CAMSAP3: variants seen among roughly 807,000 people sequenced by gnomAD.
CAMSAP3 encodes the protein calmodulin-regulated spectrin-associated protein 3.
In CAMSAP3, 34 loss-of-function variants were observed where a neutral mutation model predicts 112.5. The ratio of observed to expected loss-of-function variants is 0.30; its 90% confidence interval spans 0.23 to 0.40. The LOEUF (loss-of-function observed/expected upper bound fraction) is 0.40, where lower values mean the gene tolerates loss of function less well. Among genes scored for constraint, CAMSAP3 ranks in the 10% least tolerant of loss-of-function variants. The probability of loss-of-function intolerance (pLI) is 1.00; values close to 1 mark genes in which losing one functional copy is unlikely to be tolerated. For missense variants in CAMSAP3, 1,602 were observed against 1,770.3 expected, an observed-to-expected ratio of 0.90 and a Z score of 1.71; for synonymous variants, 868 against 799.8, an observed-to-expected ratio of 1.09 and a Z score of -1.44.
At position 7,611,475 on chromosome 19, in the gene CAMSAP3, G is replaced by A. The variant is rs770370376; in HGVS notation, c.1124-42G>A. On this transcript the variant is annotated intron_variant, in intron 9 of 16. Coordinates refer to ENST00000160298, the MANE Select transcript of CAMSAP3 (RefSeq NM_020902.2). This position sits in a 1 kb window ranked among gnomAD's most constrained non-coding sequence, Gnocchi z 6.9. ...CAGATGCTGGCTGACCCCACTCAGG[G>A]TTCCCAGGGTCCCCATAGTGACCAC... 1.6e-5 allele frequency: 25 copies of A among 1,553,464 alleles called. No individual in the cohort carries two copies. In the Admixed American group the frequency reaches 4.6e-4, roughly 28 times the overall value.
intron 1 of CAMSAP3, among the ~76,000 whole-genome samples, chr19:7,603,168 G>C (rs2030045513): frequency 6.6e-6 from 1 of 151,806 alleles, no homozygotes; most frequent in Non-Finnish European, 1.5e-5. Context: ...ATGTTCTGAA[G>C]CACTAGAACC....
intron 1 of CAMSAP3, among the ~76,000 whole-genome samples, chr19:7,597,400 C>T (rs2024463141): frequency 6.6e-6 from 1 of 152,198 alleles, no homozygotes; most frequent in African/African-American, 2.4e-5. Context: ...CCAAGGTTAC[C>T]AGGCTGTAGA....
At chr19:7,613,193 C>A in intron 11 of CAMSAP3, 30 bp downstream of exon 11, 1 of 754,132 alleles carries the variant, frequency 1.3e-6, no homozygotes, top group South Asian at 2.3e-5. Context: ...GCTGGAGGGT[C>A]CTGGGCCTGG....
Position 7,612,614 on chromosome 19 carries a change from T to C in CAMSAP3, c.2121T>C (p.Ser707=). ...ACAATCGAGCGGTCAGCAAGCTGAG[T>C]GCCGCCTTGAGCTCGCTGCAGCGGG... The part of the protein sequence containing the change: ...GEYNRAVSKL[S]AALSSLQRDM... The change falls in exon 11 of 17, where the codon AGT becomes AGC. Residue 707 remains serine (S), a synonymous_variant. Transcript: ENST00000160298. 6.5e-7 allele frequency: 1 copy of C among 1,529,058 alleles called. No individual in the cohort carries two copies. The allele number at this position is 1,529,058 out of a possible 1,614,324, so 94.7% of individuals were successfully genotyped here.
Position 7,612,104 on chromosome 19 carries a change from A to G in CAMSAP3, c.1611A>G (p.Ala537=). 1 of 1,610,218 alleles carries G rather than the reference A, an allele frequency of 6.2e-7. No homozygotes were observed. Among genetic ancestry groups the G allele is most frequent in the Admixed American group, 1.7e-5 (1 of 59,942 alleles). Residue 537 remains alanine, a synonymous_variant, in exon 11 of 17, where the codon GCA becomes GCG. Transcript: ENST00000160298. ...SKPSPCLVGE[A]SKPPAPSEGS... ...CATCTCCCTGTCTGGTGGGGGAGGC[A>G]TCGAAACCGCCAGCCCCATCCGAGG... is the stretch of plus-strand genomic sequence containing the variant.
Position 7,605,435 on chromosome 19 carries a change from C to T in CAMSAP3, c.358C>T (p.Arg120Cys). The change falls in exon 2 of 17, where the codon CGC becomes TGC. Residue 120 changes from arginine to cysteine, a missense_variant. By Grantham distance (180) the Arg-to-Cys change is radical. This residue lies in a region of CAMSAP3 where 35 missense variants were observed against 79.8 expected (regional missense o/e 0.44). Coordinates refer to ENST00000160298, the MANE Select transcript of CAMSAP3 (RefSeq NM_020902.2). ...RRGTVPALPE[R>C]PVREADLRHQ... ...GGGCACAGTGCCTGCTTTGCCCGAG[C>T]GCCCGGTGCGCGAGGCCGACCTGAG... 3 of 1,456,562 alleles carry T rather than the reference C, an allele frequency of 2.1e-6. No homozygotes were observed. The highest frequency in any genetic ancestry group is 1.8e-4 in the Middle Eastern group (1 of 5,464). 90.2% of individuals were successfully genotyped at this position (1,456,562 alleles called of 1,614,324 possible).
At chr19:7,609,317 CA>C (rs3032314) in intron 5 of CAMSAP3, among the ~76,000 whole-genome samples, 8,675 of 98,080 alleles carry the variant, frequency 0.088, 642 homozygotes, top group East Asian at 0.4. Context: ...GACTCCATCT[CA>C]AAAAAAAAAA....
rs1414096648 is a variant in CAMSAP3, at chr19:7,606,551, G to T, written c.601G>T (p.Ala201Ser). 6.5e-7 allele frequency: 1 copy of T among 1,540,050 alleles called. No individual in the cohort carries two copies. Among genetic ancestry groups the T allele is most frequent in the Non-Finnish European group, 8.7e-7 (1 of 1,149,312 alleles). The change falls in exon 4 of 17, where the codon GCG becomes TCG. Residue 201 changes from alanine (A) to serine (S), a missense_variant. Around this residue, in one of 6 missense-constraint regions of CAMSAP3, gnomAD observed 112 missense variants for 94.2 expected, o/e 1.19. Transcript: ENST00000160298. ...RASPAAPADG[A>S]APAQPSIRYR... is the part of the protein sequence containing the mutation. ...CTCTCCAGCAGCCCCTGCAGACGGG[G>T]CGGCCCCGGCGCAGCCCTCGGTGAG...
chr19:7,609,854 G>A lies in CAMSAP3; in HGVS notation c.761-622G>A, dbSNP rs182417967. On this transcript the variant is annotated intron_variant, in intron 5 of 16. Transcript: ENST00000160298. ...GGTTCACAATAGGGTTCGCGCTCCT[G>A]TAAGAATCGAATGCCGCCGCTGATC... is the stretch of plus-strand genomic sequence containing the variant. Among the ~76,000 whole-genome samples, 79 of 152,204 alleles carry A rather than the reference G, an allele frequency of 5.2e-4. No individual in the cohort carries two copies. The East Asian group carries it at 8.1e-3, about 16-fold the overall frequency.
In CAMSAP3 at chr19:7,615,940, A is replaced by C. The variant is rs914082588; in HGVS notation, c.3112+221A>C. ...CGCGGTGGCTCACGCCTGTAATCCC[A>C]GCACTTTGGGAGGCTGAGGCGGGCG... On this transcript the variant is annotated intron_variant, in intron 13 of 16. Transcript: ENST00000160298. The surrounding 1 kb of genome is among the most constrained non-coding windows in gnomAD (Gnocchi z 6.5). Among the ~76,000 whole-genome samples, 1 of 152,124 alleles carries C rather than the reference A, an allele frequency of 6.6e-6. No homozygotes were observed. The highest frequency in any genetic ancestry group is 2.4e-5 in the African/African-American group (1 of 41,436).
In CAMSAP3 at chr19:7,605,342, C is replaced by T. The variant is rs1376510922; in HGVS notation, c.265C>T (p.Arg89Cys). 2 of 1,608,852 alleles carry T rather than the reference C, an allele frequency of 1.2e-6. No homozygotes were observed. Among genetic ancestry groups the T allele is most frequent in the Non-Finnish European group, 1.7e-6 (2 of 1,177,418 alleles). ...LSAELYCRAW[R>C]QALPQLETPP... The stretch of plus-strand genomic sequence containing the variant: ...AGCCGAGCTCTACTGCAGAGCCTGG[C>T]GCCAGGCACTGCCACAGCTTGAAAC... Residue 89 changes from arginine to cysteine, a missense_variant, in exon 2 of 17, where the codon CGC (arginine) becomes TGC (cysteine). Transcript: ENST00000160298.
rs1350670034 is a variant in CAMSAP3, at chr19:7,615,274, A to G, written c.2762A>G (p.Lys921Arg). The G allele has an allele frequency of 1.3e-6, 2 of 1,549,572 alleles. No individual in the cohort carries two copies. Among genetic ancestry groups the G allele is most frequent in the Non-Finnish European group, 8.7e-7 (1 of 1,146,564 alleles). ...QRRAEEARRR[K>R]QWQEVEKEQR... is the part of the protein sequence containing the mutation. ...CGAGCAGAGGAGGCGCGGCGGCGCA[A>G]GCAGTGGCAGGAGGTGGAGAAGGAA... Residue 921 changes from lysine to arginine, a missense_variant, in exon 12 of 17, where the codon AAG becomes AGG. Transcript: ENST00000160298. The surrounding 1 kb of genome is among the most constrained non-coding windows in gnomAD (Gnocchi z 6.5).
Position 7,612,243 on chromosome 19 carries a change from G to A in CAMSAP3, c.1750G>A (p.Gly584Arg). Residue 584 changes from glycine to arginine, a missense_variant, in exon 11 of 17, where the codon GGG becomes AGG. Gly to Arg is a moderately radical substitution (Grantham distance 125, BLOSUM62 -2). Coordinates refer to ENST00000160298, the MANE Select transcript of CAMSAP3 (RefSeq NM_020902.2). Reference sequence around the variant, plus strand: ...GAAGGCAGAGGCTGAGGCCGGAGCGGGGTCCCCCACGTCCACTCCGGCCCC... The same window carrying A: ...GAAGGCAGAGGCTGAGGCCGGAGCGAGGTCCCCCACGTCCACTCCGGCCCC... ...LVKAEAEAGAGSPTSTPAPPE... is the reference protein window; with the variant it reads ...LVKAEAEAGARSPTSTPAPPE... 6.3e-7 allele frequency: 1 copy of A among 1,592,012 alleles called. No homozygotes were observed. The highest frequency in any genetic ancestry group is 8.5e-7 in the Non-Finnish European group (1 of 1,170,150).
chr19:7,597,816 A>C (rs1045237831), intron 1 of CAMSAP3, among the ~76,000 whole-genome samples: 1 of 152,180 alleles, frequency 6.6e-6, no homozygotes. Flanking sequence ...ACAGCAAAGC[A>C]AACTTCTGAT....
chr19:7,607,814 C>A lies in CAMSAP3; in HGVS notation c.622-312C>A. ...CCCCTTGCTGATGGCTGCTCCTCTCCCCCCAGCACGCAATTGCCTTCTGTT... is the reference window on the plus strand; with the variant it reads ...CCCCTTGCTGATGGCTGCTCCTCTCACCCCAGCACGCAATTGCCTTCTGTT... On this transcript the variant is annotated intron_variant, in intron 4 of 16. Coordinates refer to ENST00000160298, the MANE Select transcript of CAMSAP3 (RefSeq NM_020902.2). The surrounding 1 kb of genome is among the most constrained non-coding windows in gnomAD (Gnocchi z 4.9). 1.5e-6 allele frequency: 2 copies of A among 1,318,456 alleles called. No individual in the cohort carries two copies. The highest frequency in any genetic ancestry group is 2.1e-6 in the Non-Finnish European group (2 of 969,504). 81.7% of individuals were successfully genotyped at this position (1,318,456 alleles called of 1,614,324 possible).
intron 13 of CAMSAP3, chr19:7,616,290 GTA>G: frequency 2.0e-6 from 1 of 488,594 alleles, no homozygotes; most frequent in Non-Finnish European, 3.7e-6. Flanking sequence ...ACCTTTGGGA[GTA>G]TGTTTGGGGT....
chr19:7,612,800 C>A lies in CAMSAP3; in HGVS notation c.2307C>A (p.Ser769Arg). 6.5e-7 allele frequency: 1 copy of A among 1,541,688 alleles called. No individual in the cohort carries two copies. Among genetic ancestry groups the A allele is most frequent in the Non-Finnish European group, 8.7e-7 (1 of 1,149,588 alleles). The change falls in exon 11 of 17, where the codon AGC becomes AGA. Residue 769 changes from serine to arginine, a missense_variant. Coordinates refer to ENST00000160298, the MANE Select transcript of CAMSAP3 (RefSeq NM_020902.2). ...GGCGAGTCCCGGCCACCCGGCGCAG[C>A]CCTGGGCCCGGGCCCAGCCAGTCAC... Reference protein sequence around the residue: ...PARRVPATRRSPGPGPSQSPR... With the variant: ...PARRVPATRRRPGPGPSQSPR...
rs199988927 is a variant in CAMSAP3, at chr19:7,617,883, C to T, written c.3576C>T (p.Thr1192=). ...GGCTGGCAGGGTATGGGCCCCGGAC[C>T]GTCACGCCCGCCATGGTGGAAGGCA... ...LSRLAGYGPR[T]VTPAMVEGIY... is the part of the protein sequence containing the mutation. Residue 1192 remains threonine, a synonymous_variant, in exon 17 of 17, where the codon ACC becomes ACT. Coordinates refer to ENST00000160298, the MANE Select transcript of CAMSAP3 (RefSeq NM_020902.2). The surrounding 1 kb of genome is among the most constrained non-coding windows in gnomAD (Gnocchi z 7.5). 130 of 1,613,764 alleles carry T rather than the reference C, an allele frequency of 8.1e-5. No homozygotes were observed. Among genetic ancestry groups the T allele is most frequent in the East Asian group, 5.6e-4 (25 of 44,884 alleles).
intron 1 of CAMSAP3, among the ~76,000 whole-genome samples, chr19:7,598,681 G>C (rs556805986): frequency 1.3e-5 from 2 of 152,100 alleles, no homozygotes; most frequent in East Asian, 3.9e-4. Context: ...CCAGCTACTT[G>C]GGAGGCTGAG....
Sources: allele counts gnomAD v4.1 joint callset (sites outside exome capture counted in the v4.1 genomes callset), GRCh38; gene constraint gnomAD v4.1.1; regional missense constraint gnomAD v4.1.1; non-coding constraint Gnocchi (gnomAD v3.1); transcripts MANE v1.5; gene names NCBI Gene and HGNC (gene_info 2026-07-23, HGNC 2026-07-21).